The following SENP1 variants were observed in gnomAD, a reference collection of about 807,000 sequenced individuals.
SENP1 encodes sentrin-specific protease 1.
A neutral mutation model predicts 93.0 loss-of-function variants in SENP1; 21 were observed. The ratio of observed to expected loss-of-function variants is 0.23; its 90% CI spans 0.16 to 0.33. The LOEUF is 0.33. SENP1 is among the 10% of genes least tolerant of loss of function. The pLI, the probability that SENP1 is intolerant of heterozygous loss-of-function variation, is 1.00. For synonymous variants in SENP1, 256 were observed against 259.6 expected, an observed-to-expected ratio of 0.99 and a Z score of 0.13; for missense variants, 591 against 758.7, an observed-to-expected ratio of 0.78 and a Z score of 2.60.
intron 6 of SENP1, among the ~76,000 whole-genome samples, chr12:48,079,454 G>A (rs1448047150): frequency 1.3e-5 from 2 of 152,080 alleles, no homozygotes; most frequent in Non-Finnish European, 2.9e-5. Context: ...AGCCGAGATC[G>A]CGCCACTGCA....
chr12:48,089,366 C>T (rs140696666), intron 4 of SENP1: 484 of 1,282,112 alleles, frequency 3.8e-4, no homozygotes, highest in Non-Finnish European at 4.8e-4. Context: ...AAATGAACAA[C>T]AGTTATTGAT....
Position 48,045,294 on chromosome 12 carries a change from G to A in SENP1, c.*28C>T, listed in dbSNP as rs768188071. The A allele has an allele frequency of 6.3e-7, 1 of 1,598,838 alleles. No individual in the cohort carries two copies. Among genetic ancestry groups the A allele is most frequent in the Admixed American group, 1.7e-5 (1 of 59,906 alleles). On this transcript the variant is annotated 3_prime_UTR_variant, in exon 18 of 18. Coordinates refer to ENST00000549518, the MANE Select transcript of SENP1 (RefSeq NM_001267594.2). Reference sequence around the variant, plus strand: ...ACAACAAAGAGCTGGTCCCCCACATGGTCAAGGTCTGCTAAGTGAGACAGT... The same window carrying A: ...ACAACAAAGAGCTGGTCCCCCACATAGTCAAGGTCTGCTAAGTGAGACAGT...
Position 48,074,402 on chromosome 12 carries a change from T to C in SENP1, c.862A>G (p.Thr288Ala), listed in dbSNP as rs1457145914. Residue 288 changes from threonine to alanine, a missense_variant, in exon 8 of 18, where the codon ACT becomes GCT. By Grantham distance (58) the Thr-to-Ala change is moderately conservative (BLOSUM62 0). Coordinates refer to ENST00000549518, the MANE Select transcript of SENP1 (RefSeq NM_001267594.2). ...DVAFGSKDSG[T>A]LHHPHHHHSV... ...TGGTGATGATGGGGATGATGAAGAG[T>C]ACCAGAATCTTTGGATCCAAATGCA... 6.2e-7 allele frequency: 1 copy of C among 1,613,542 alleles called. No individual in the cohort carries two copies. Among genetic ancestry groups the C allele is most frequent in the African/African-American group, 1.3e-5 (1 of 74,880 alleles).
intron 13 of SENP1, among the ~76,000 whole-genome samples, chr12:48,062,653 C>CCAAT (rs1345690009): frequency 5.9e-5 from 9 of 152,132 alleles, no homozygotes; most frequent in African/African-American, 2.2e-4. Context: ...TAGATAAGAC[C>CCAAT]CAATGCTTGG....
At chr12:48,057,888 T>A (rs1369364419) in intron 13 of SENP1, among the ~76,000 whole-genome samples, 1 of 147,724 alleles carries the variant, frequency 6.8e-6, no homozygotes, top group Non-Finnish European at 1.5e-5. Context: ...TGAGCCACTG[T>A]GCCTAGCCTT....
At chr12:48,065,982 T>A (rs1943270162) in intron 10 of SENP1, among the ~76,000 whole-genome samples, 1 of 152,190 alleles carries the variant, frequency 6.6e-6, no homozygotes, top group South Asian at 2.1e-4. Context: ...GGATTACAGA[T>A]GTGAGCCATT....
intron 1 of SENP1, among the ~76,000 whole-genome samples, chr12:48,103,338 C>T (rs957528303): frequency 6.6e-6 from 1 of 152,206 alleles, no homozygotes; most frequent in African/African-American, 2.4e-5. Context: ...ATCCATGTAT[C>T]CTGACTCCAG....
chr12:48,075,419 G>A (rs1211451366), intron 6 of SENP1, among the ~76,000 whole-genome samples: 1 of 152,052 alleles, frequency 6.6e-6, no homozygotes, highest in Non-Finnish European at 1.5e-5. Flanking sequence ...AGAAAAAAAG[G>A]GCCTCTAAAT....
At chr12:48,100,824 AG>A (rs1338452494) in intron 2 of SENP1, among the ~76,000 whole-genome samples, 1 of 152,232 alleles carries the variant, frequency 6.6e-6, no homozygotes, top group African/African-American at 2.4e-5. Context: ...AGGTACTATT[AG>A]GTACCCTTGT....
intron 4 of SENP1, among the ~76,000 whole-genome samples, chr12:48,091,466 A>G (rs1221478072): frequency 6.6e-6 from 1 of 151,904 alleles, no homozygotes; most frequent in Non-Finnish European, 1.5e-5. Flanking sequence ...AAAAAAAAAG[A>G]ATGTGTCAGC....
intron 1 of SENP1, among the ~76,000 whole-genome samples, chr12:48,104,736 G>A (rs937126750): frequency 9.9e-5 from 15 of 152,282 alleles, no homozygotes; most frequent in South Asian, 6.2e-4. Context: ...TTCCAAAGCC[G>A]CAATGCAAGT....
At chr12:48,099,971 T>C (rs1338902607) in intron 2 of SENP1, among the ~76,000 whole-genome samples, 1 of 151,966 alleles carries the variant, frequency 6.6e-6, no homozygotes, top group Non-Finnish European at 1.5e-5. Context: ...ATAGAAGCAA[T>C]AAACGTAACA....
At chr12:48,085,515 C>A in intron 5 of SENP1, 1 of 530,696 alleles carries the variant, frequency 1.9e-6, no homozygotes, top group Non-Finnish European at 3.3e-6. Flanking sequence ...ACATTTTGAG[C>A]CTCTAATTTC....
intron 6 of SENP1, among the ~76,000 whole-genome samples, chr12:48,081,834 G>A (rs141119327): frequency 0.011 from 1,614 of 151,914 alleles, 16 homozygotes; most frequent in Non-Finnish European, 0.015. Context: ...CCAAAGTGCT[G>A]GGATTGTACA....
intron 5 of SENP1, 111 bp from the exon 6 acceptor site, chr12:48,083,873 A>T (rs1463712395): frequency 1.1e-5 from 8 of 696,384 alleles, no homozygotes; most frequent in East Asian, 5.5e-5. Flanking sequence ...AAACAGGTAA[A>T]ATAATAGGTT....
At chr12:48,067,022 A>C in intron 9 of SENP1, 57 bp from the exon 10 acceptor site, 2 of 1,115,302 alleles carry the variant, frequency 1.8e-6, no homozygotes, top group Non-Finnish European at 2.6e-6. Flanking sequence ...GAGAAAATTA[A>C]AATATTTTCA....
At chr12:48,095,843 T>C (rs1456823781) in intron 4 of SENP1, among the ~76,000 whole-genome samples, 4 of 152,120 alleles carry the variant, frequency 2.6e-5, no homozygotes, top group Admixed American at 6.6e-5. Flanking sequence ...ACAAGTTAAA[T>C]AGAAAAGCCC....
At chr12:48,089,342 G>A (rs775416652) in intron 4 of SENP1, 4 of 1,328,594 alleles carry the variant, frequency 3.0e-6, no homozygotes, top group Non-Finnish European at 3.0e-6. Context: ...GGGGGCCAGT[G>A]AGAATTGTAA....
At chr12:48,056,091 A>G (rs1945028968) in intron 13 of SENP1, among the ~76,000 whole-genome samples, 1 of 122,440 alleles carries the variant, frequency 8.2e-6, no homozygotes, top group South Asian at 2.4e-4. Context: ...TATTTACCAT[A>G]CAGTATATAT....
Sources: gnomAD v4.1 joint callset for allele counts (sites outside exome capture counted in the v4.1 genomes callset) on GRCh38, gnomAD v4.1.1 for gene constraint, MANE v1.5 for transcripts, NCBI Gene and HGNC (gene_info 2026-07-23, HGNC 2026-07-21) for gene names.